The following KIAA1217 variants were observed in gnomAD, a reference collection of about 807,000 sequenced individuals.
The protein encoded by KIAA1217 is KIAA1217.
A neutral mutation model predicts 163.9 loss-of-function variants in KIAA1217; 88 were observed. That is an observed-to-expected ratio of 0.54 (90% CI 0.45 to 0.64). The LOEUF is 0.64. KIAA1217 is among the 30% of genes least tolerant of loss of function. The probability of loss-of-function intolerance (pLI) is 0.00; values close to 1 mark genes in which losing one functional copy is unlikely to be tolerated. For synonymous variants in KIAA1217, 903 were observed against 923.1 expected (o/e 0.98, Z 0.39); for missense variants, 2,372 against 2,475.0 (o/e 0.96, Z 0.88).
At chr10:23,837,715 A>AT (rs200651471) in intron 1 of KIAA1217, among the ~76,000 whole-genome samples, 467 of 151,614 alleles carry the variant, frequency 3.1e-3, no homozygotes, top group African/African-American at 0.011. Flanking sequence ...GTTGTTGTTT[A>AT]TTTTTTTTAG....
chr10:24,380,497 C>A (rs2053147428), intron 2 of KIAA1217, among the ~76,000 whole-genome samples: 1 of 151,982 alleles, frequency 6.6e-6, no homozygotes, highest in Non-Finnish European at 1.5e-5. Flanking sequence ...CAAAAACTAG[C>A]CAGGCATGTT....
At chr10:23,949,532 G>T (rs1177960281) in intron 1 of KIAA1217, among the ~76,000 whole-genome samples, 1 of 151,884 alleles carries the variant, frequency 6.6e-6, no homozygotes, top group African/African-American at 2.4e-5. Flanking sequence ...ACACCCAGAA[G>T]AAATTGCAGC....
At chr10:24,358,117 G>A (rs1037095183) in intron 2 of KIAA1217, among the ~76,000 whole-genome samples, 1 of 152,160 alleles carries the variant, frequency 6.6e-6, no homozygotes, top group African/African-American at 2.4e-5. Flanking sequence ...AACTCAGCGT[G>A]GATGTGGATG....
intron 2 of KIAA1217, among the ~76,000 whole-genome samples, chr10:24,027,003 C>A (rs927253853): frequency 1.3e-5 from 2 of 151,792 alleles, no homozygotes; most frequent in Non-Finnish European, 2.9e-5. Context: ...CTTTTTTCAT[C>A]TTTAACCCAT....
intron 9 of KIAA1217, 57 bp downstream of exon 9, chr10:24,501,602 C>T (rs1306821870): frequency 1.3e-6 from 2 of 1,534,210 alleles, no homozygotes; most frequent in Non-Finnish European, 8.9e-7. Context: ...TCCTACCTTC[C>T]TTTTCCTAGG....
chr10:24,410,042 G>A (rs1453255259), intron 3 of KIAA1217, among the ~76,000 whole-genome samples: 1 of 141,816 alleles, frequency 7.1e-6, no homozygotes, highest in African/African-American at 2.6e-5. Flanking sequence ...TGTCGCCCAG[G>A]CTGAAGTACA....
intron 2 of KIAA1217, among the ~76,000 whole-genome samples, chr10:24,114,658 G>A (rs1417280763): frequency 6.6e-6 from 1 of 152,206 alleles, no homozygotes; most frequent in Non-Finnish European, 1.5e-5. Context: ...TTCTCACTCA[G>A]TCCCATCTTT....
chr10:23,955,331 G>A (rs534412027), intron 1 of KIAA1217, among the ~76,000 whole-genome samples: 76 of 152,276 alleles, frequency 5.0e-4, no homozygotes, highest in African/African-American at 1.8e-3. Flanking sequence ...AATACATGTC[G>A]TTATCACTTT....
chr10:24,543,865 AC>A lies in KIAA1217; in HGVS notation c.4598del (p.Pro1533GlnfsTer6). On this transcript the variant is annotated frameshift_variant, in exon 19 of 21. Transcript: ENST00000376454. LOFTEE classifies it high-confidence loss of function. ...CACTCCCTGGCCACAGAGACCAGAA[AC>A]CCAGGAGGACAGGAAATGAACAGAA... ...QPHSLATETR[N>X]PGGQEMNRTE... The A allele has an allele frequency of 6.2e-7, 1 of 1,614,106 alleles. No homozygotes were observed. The highest frequency in any genetic ancestry group is 8.5e-7 in the Non-Finnish European group (1 of 1,180,030).
chr10:24,416,881 A>T (rs1333695415), intron 3 of KIAA1217, among the ~76,000 whole-genome samples: 1 of 152,098 alleles, frequency 6.6e-6, no homozygotes, highest in East Asian at 1.9e-4. Flanking sequence ...TGAGGGGTGC[A>T]TACACCAATG....
At chr10:24,274,108 G>A (rs1214242305) in intron 2 of KIAA1217, among the ~76,000 whole-genome samples, 2 of 152,188 alleles carry the variant, frequency 1.3e-5, no homozygotes, top group African/African-American at 4.8e-5. Flanking sequence ...TAGCATACAT[G>A]TATAAACTGA....
intron 1 of KIAA1217, among the ~76,000 whole-genome samples, chr10:23,927,908 A>G (rs528510614): frequency 2.0e-4 from 30 of 152,326 alleles, no homozygotes; most frequent in Admixed American, 9.2e-4. Context: ...AGCTAATTAA[A>G]TGGAAAAAAT....
intron 1 of KIAA1217, among the ~76,000 whole-genome samples, chr10:23,981,454 G>C (rs1347264369): frequency 6.6e-6 from 1 of 152,148 alleles, no homozygotes; most frequent in Non-Finnish European, 1.5e-5. Context: ...TTAACATAAA[G>C]AAGCTACTGG....
intron 2 of KIAA1217, among the ~76,000 whole-genome samples, chr10:24,227,448 C>T (rs1029936685): frequency 1.1e-4 from 16 of 150,684 alleles, no homozygotes; most frequent in East Asian, 7.9e-4. Flanking sequence ...TGTGAGCCAC[C>T]GCACCTGGTC....
intron 1 of KIAA1217, among the ~76,000 whole-genome samples, chr10:23,970,903 G>A (rs74368033): frequency 1.3e-5 from 2 of 152,138 alleles, no homozygotes; most frequent in African/African-American, 2.4e-5. Context: ...TCAACTGAGG[G>A]GGGGATAAGG....
At chr10:24,276,981 A>G (rs2077376578) in intron 2 of KIAA1217, among the ~76,000 whole-genome samples, 1 of 151,980 alleles carries the variant, frequency 6.6e-6, no homozygotes, top group Non-Finnish European at 1.5e-5. Context: ...CTGGTGTCAA[A>G]TTCCTGACCT....
intron 2 of KIAA1217, among the ~76,000 whole-genome samples, chr10:24,027,866 GCA>G (rs1305630792): frequency 6.6e-6 from 1 of 152,062 alleles, no homozygotes; most frequent in Admixed American, 6.6e-5. Flanking sequence ...AGTCAGATTT[GCA>G]CAGTGTCTAA....
chr10:23,742,079 T>C (rs1391346596), intron 1 of KIAA1217, among the ~76,000 whole-genome samples: 2 of 152,148 alleles, frequency 1.3e-5, no homozygotes, highest in Non-Finnish European at 2.9e-5. Context: ...TAGGAAGCAA[T>C]GGGACTTGGA....
chr10:24,278,664 C>T (rs1240358812), intron 2 of KIAA1217, among the ~76,000 whole-genome samples: 1 of 152,062 alleles, frequency 6.6e-6, no homozygotes, highest in African/African-American at 2.4e-5. Flanking sequence ...GATGAGTAAC[C>T]TAATGTGTGC....
Sources: allele counts gnomAD v4.1 joint callset (sites outside exome capture counted in the v4.1 genomes callset), GRCh38; gene constraint gnomAD v4.1.1; transcripts MANE v1.5; gene names NCBI Gene and HGNC (gene_info 2026-07-23, HGNC 2026-07-21).